BTBD9: variants seen among roughly 807,000 people sequenced by gnomAD.
The protein encoded by BTBD9 is BTB/POZ domain-containing protein 9.
In BTBD9, 49 loss-of-function variants were observed where a neutral mutation model predicts 64.3. The observed-to-expected ratio is 0.76, with a 90% CI of 0.61 to 0.97. The LOEUF (loss-of-function observed/expected upper bound fraction) is 0.97, where lower values mean the gene tolerates loss of function less well. Ranked by LOEUF, BTBD9 falls within the 50% of genes least tolerant of loss-of-function variation. The pLI is 0.00. For synonymous variants in BTBD9, 260 were observed against 274.7 expected, an observed-to-expected ratio of 0.95 and a Z score of 0.53; for missense variants, 598 against 762.1, an observed-to-expected ratio of 0.78 and a Z score of 2.53.
chr6:38,397,801 G>C (rs1334114408), intron 6 of BTBD9, among the ~76,000 whole-genome samples: 1 of 152,224 alleles, frequency 6.6e-6, no homozygotes, highest in African/African-American at 2.4e-5. Context: ...GTGATAGATA[G>C]GGCTGAGGGG....
At chr6:38,310,999 C>T (rs957193196) in intron 7 of BTBD9, among the ~76,000 whole-genome samples, 9 of 152,074 alleles carry the variant, frequency 5.9e-5, no homozygotes, top group African/African-American at 1.7e-4. Flanking sequence ...TTAGTAGAGA[C>T]GGGGTTTCAC....
At chr6:38,345,744 C>T (rs1239182441) in intron 6 of BTBD9, among the ~76,000 whole-genome samples, 1 of 152,248 alleles carries the variant, frequency 6.6e-6, no homozygotes, top group East Asian at 1.9e-4. Context: ...CTGCAGCCTC[C>T]CTCCTGGCCA....
chr6:38,281,936 T>C (rs1761526919), intron 8 of BTBD9, among the ~76,000 whole-genome samples: 1 of 152,236 alleles, frequency 6.6e-6, no homozygotes, highest in Non-Finnish European at 1.5e-5. Context: ...AATTAGGGTT[T>C]CAACAAAGTG....
intron 7 of BTBD9, among the ~76,000 whole-genome samples, chr6:38,304,056 C>T (rs1406852925): frequency 1.3e-5 from 2 of 150,184 alleles, no homozygotes; most frequent in African/African-American, 2.4e-5. Flanking sequence ...ATCTACAAAA[C>T]GAGCCAAACA....
chr6:38,426,784 G>T (rs970006847), intron 6 of BTBD9, among the ~76,000 whole-genome samples: 17 of 151,824 alleles, frequency 1.1e-4, no homozygotes, highest in African/African-American at 2.4e-4. Flanking sequence ...CATGGCCCAA[G>T]ATTCCATTTC....
intron 6 of BTBD9, among the ~76,000 whole-genome samples, chr6:38,476,115 G>T (rs376276295): frequency 6.6e-6 from 1 of 152,150 alleles, no homozygotes; most frequent in Non-Finnish European, 1.5e-5. Context: ...TAATTTAACC[G>T]TTAAATATCA....
intron 6 of BTBD9, among the ~76,000 whole-genome samples, chr6:38,540,688 T>TTA (rs1322836680): frequency 6.6e-6 from 1 of 152,136 alleles, no homozygotes; most frequent in African/African-American, 2.4e-5. Flanking sequence ...AGTGCAAACT[T>TTA]TATAAAGATT....
chr6:38,331,537 C>T (rs144548716), intron 7 of BTBD9, among the ~76,000 whole-genome samples: 3 of 152,204 alleles, frequency 2.0e-5, no homozygotes, highest in African/African-American at 4.8e-5. Context: ...TTAGTAATAA[C>T]TAGGCTAATG....
intron 8 of BTBD9, among the ~76,000 whole-genome samples, chr6:38,258,217 C>T (rs1461963942): frequency 1.3e-5 from 2 of 151,974 alleles, no homozygotes; most frequent in Non-Finnish European, 2.9e-5. Flanking sequence ...AACTCCTGAC[C>T]TCAGGTGATC....
At chr6:38,554,236 G>A (rs1226555731) in intron 6 of BTBD9, among the ~76,000 whole-genome samples, 1 of 152,156 alleles carries the variant, frequency 6.6e-6, no homozygotes, top group Non-Finnish European at 1.5e-5. Context: ...ACTATTAAGA[G>A]ATTCATGATG....
At chr6:38,263,718 C>T (rs1764869487) in intron 8 of BTBD9, among the ~76,000 whole-genome samples, 1 of 152,158 alleles carries the variant, frequency 6.6e-6, no homozygotes, top group African/African-American at 2.4e-5. Context: ...TACCTGGGGT[C>T]CCGACAGATT....
intron 6 of BTBD9, among the ~76,000 whole-genome samples, chr6:38,349,630 C>T (rs756036963): frequency 8.6e-5 from 13 of 152,034 alleles, no homozygotes; most frequent in Non-Finnish European, 1.9e-4. Flanking sequence ...GGAAAACATA[C>T]AGTATATATA....
chr6:38,456,764 C>A (rs184221187), intron 6 of BTBD9, among the ~76,000 whole-genome samples: 235 of 152,208 alleles, frequency 1.5e-3, no homozygotes, highest in Non-Finnish European at 2.8e-3. Flanking sequence ...ATAAACCCTG[C>A]GTCAAATATC....
At chr6:38,257,063 CTT>C (rs745545678) in intron 8 of BTBD9, among the ~76,000 whole-genome samples, 13 of 111,350 alleles carry the variant, frequency 1.2e-4, no homozygotes, top group Admixed American at 5.5e-4. Flanking sequence ...TTGCACACTT[CTT>C]TTTTTTTTTT....
chr6:38,356,998 A>T (rs903921319), intron 6 of BTBD9, among the ~76,000 whole-genome samples: 1 of 152,134 alleles, frequency 6.6e-6, no homozygotes, highest in Non-Finnish European at 1.5e-5. Flanking sequence ...GTCTCAACAA[A>T]TGACCACTGA....
chr6:38,527,564 T>C (rs1386875318), intron 6 of BTBD9, among the ~76,000 whole-genome samples: 1 of 152,152 alleles, frequency 6.6e-6, no homozygotes, highest in Non-Finnish European at 1.5e-5. Context: ...TGAAGGTGCC[T>C]GCTTCCCCTT....
At chr6:38,357,506 T>C (rs1250645599) in intron 6 of BTBD9, among the ~76,000 whole-genome samples, 1 of 152,200 alleles carries the variant, frequency 6.6e-6, no homozygotes, top group African/African-American at 2.4e-5. Context: ...GAATCTGCCA[T>C]CATAACCTGA....
chr6:38,366,142 T>A (rs541989206), intron 6 of BTBD9, among the ~76,000 whole-genome samples: 2 of 152,218 alleles, frequency 1.3e-5, no homozygotes, highest in South Asian at 4.1e-4. Flanking sequence ...GCTTCATAAG[T>A]ATATAGGTTT....
Position 38,534,066 on chromosome 6 carries a change from C to A in BTBD9, c.1154+43534G>T, listed in dbSNP as rs1773910355. ...AATGAAACTGAAACAAACAAACAAA[C>A]CAATTGGAAAGACTGATGAAACAAA... On this transcript the variant is annotated intron_variant, in intron 6 of 10. Transcript: ENST00000481247. 2.6e-5 allele frequency among the ~76,000 whole-genome samples: 4 copies of A among 151,356 alleles called. No individual in the cohort carries two copies. In the South Asian group the frequency reaches 8.4e-4, roughly 32 times the overall value.
Sources: allele counts gnomAD v4.1 joint callset (sites outside exome capture counted in the v4.1 genomes callset), GRCh38; gene constraint gnomAD v4.1.1; transcripts MANE v1.5; gene names NCBI Gene and HGNC (gene_info 2026-07-23, HGNC 2026-07-21).